Variants in FAM135A observed in about 807,000 individuals in gnomAD.
The protein encoded by FAM135A is family with sequence similarity 135 member A.
In FAM135A, 79 loss-of-function variants were observed where a neutral mutation model predicts 146.8. That is an observed-to-expected ratio of 0.54 (90% CI 0.45 to 0.65). FAM135A has a LOEUF of 0.65. Among genes scored for constraint, FAM135A ranks in the 30% least tolerant of loss-of-function variants. The probability of loss-of-function intolerance (pLI) is 0.00; values close to 1 mark genes in which losing one functional copy is unlikely to be tolerated. For missense variants in FAM135A, 1,623 were observed against 1,758.2 expected (o/e 0.92, Z 1.38); for synonymous variants, 562 against 603.6 (o/e 0.93, Z 1.01).
chr6:70,524,292 G>A, intron 14 of FAM135A, 51 bp from the exon 15 acceptor site: 1 of 1,441,010 alleles, frequency 6.9e-7, no homozygotes, highest in African/African-American at 1.4e-5. Context: ...TTAATCATAT[G>A]AGTTCTCACA....
Position 70,525,707 on chromosome 6 carries a change from G to A in FAM135A, c.2623G>A (p.Gly875Arg). 1 of 1,612,708 alleles carries A rather than the reference G, an allele frequency of 6.2e-7. No individual in the cohort carries two copies. Among genetic ancestry groups the A allele is most frequent in the Non-Finnish European group, 8.5e-7 (1 of 1,179,484 alleles). Reference sequence around the variant, plus strand: ...TGATAGCAAAACTGTATTAAATCTAGGAACGACTGATTTGCCAAAATGTGA... The same window carrying A: ...TGATAGCAAAACTGTATTAAATCTAAGAACGACTGATTTGCCAAAATGTGA... Reference protein sequence around the residue: ...LNDSKTVLNLGTTDLPKCDDT... With the variant: ...LNDSKTVLNLRTTDLPKCDDT... Residue 875 changes from glycine (G) to arginine (R), a missense_variant, in exon 15 of 22, where the codon GGA becomes AGA. Around this residue, in one of 7 missense-constraint regions of FAM135A, gnomAD observed 1,061 missense variants for 1,113.8 expected, o/e 0.95. Transcript: ENST00000418814.
intron 4 of FAM135A, among the ~76,000 whole-genome samples, chr6:70,442,012 C>G (rs975566536): frequency 6.6e-6 from 1 of 152,060 alleles, no homozygotes; most frequent in Non-Finnish European, 1.5e-5. Flanking sequence ...AAAAATGCAT[C>G]ATTAATGTAT....
intron 12 of FAM135A, among the ~76,000 whole-genome samples, chr6:70,512,249 G>A (rs1447568840): frequency 6.6e-5 from 10 of 151,776 alleles, no homozygotes; most frequent in Non-Finnish European, 1.5e-4. Flanking sequence ...TCGTTGAGTA[G>A]TATTTTATGG....
chr6:70,511,409 T>C (rs1042142222), intron 12 of FAM135A, among the ~76,000 whole-genome samples: 2 of 151,922 alleles, frequency 1.3e-5, no homozygotes, highest in African/African-American at 4.8e-5. Context: ...GAAAGTATTG[T>C]GCTTATATCT....
In FAM135A at chr6:70,525,223, A is replaced by G. The variant is rs749946709; in HGVS notation, c.2139A>G (p.Glu713=). 2 of 1,598,940 alleles carry G rather than the reference A, an allele frequency of 1.3e-6. No homozygotes were observed. The highest frequency in any genetic ancestry group is 1.3e-5 in the African/African-American group (1 of 74,076). The stretch of plus-strand genomic sequence containing the variant: ...CTAAATCTATAGAAATAACATTTGA[A>G]AAGGAAGCTTTGCAAGAAGCAAAGT... The part of the protein sequence containing the change: ...GKSKSIEITF[E]KEALQEAKCL... Residue 713 remains glutamate, a synonymous_variant, in exon 15 of 22, where the codon GAA becomes GAG. Coordinates refer to ENST00000418814, the MANE Select transcript of FAM135A (RefSeq NM_001162529.3).
chr6:70,481,969 C>G, intron 9 of FAM135A, 32 bp from the exon 10 acceptor site: 1 of 1,574,006 alleles, frequency 6.4e-7, no homozygotes, highest in South Asian at 1.2e-5. Context: ...GTATTACTGA[C>G]ACTCTGTATC....
In FAM135A at chr6:70,524,008, C is replaced by T. The variant is rs1582744599; in HGVS notation, c.1145C>T (p.Thr382Ile). The T allele has an allele frequency of 6.2e-7, 1 of 1,612,520 alleles. No homozygotes were observed. The highest frequency in any genetic ancestry group is 8.5e-7 in the Non-Finnish European group (1 of 1,179,360). Reference sequence around the variant, plus strand: ...CAGATGTGCACCGCTATCAAAAATACTTCCTTCTGCAGTTCTCTTCCACCC... The same window carrying T: ...CAGATGTGCACCGCTATCAAAAATATTTCCTTCTGCAGTTCTCTTCCACCC... ...HLQMCTAIKN[T>I]SFCSSLPPLP... The change falls in exon 14 of 22, where the codon ACT (threonine) becomes ATT (isoleucine). Residue 382 changes from threonine to isoleucine, a missense_variant. Thr to Ile is a moderately conservative substitution (Grantham distance 89). Transcript: ENST00000418814.
Position 70,491,103 on chromosome 6 carries a change from T to A in FAM135A, c.873+20T>A. On this transcript the variant is annotated intron_variant, in intron 11 of 21. Coordinates refer to ENST00000418814, the MANE Select transcript of FAM135A (RefSeq NM_001162529.3). Reference sequence around the variant, plus strand: ...GTTAAGGTACTTGGATTTTTTAAATTCACATCATCAAGTTATTTGAGTGGT... The same window carrying A: ...GTTAAGGTACTTGGATTTTTTAAATACACATCATCAAGTTATTTGAGTGGT... The A allele has an allele frequency of 6.3e-7, 1 of 1,576,988 alleles. No individual in the cohort carries two copies. The highest frequency in any genetic ancestry group is 8.6e-7 in the Non-Finnish European group (1 of 1,157,098).
intron 20 of FAM135A, among the ~76,000 whole-genome samples, chr6:70,553,007 T>A (rs1800131589): frequency 6.6e-6 from 1 of 152,186 alleles, no homozygotes; most frequent in South Asian, 2.1e-4. Flanking sequence ...TTTTACATCT[T>A]TTTTTCAATA....
intron 7 of FAM135A, 74 bp from the exon 8 acceptor site, chr6:70,477,085 G>C (rs1562488417): frequency 7.2e-7 from 1 of 1,389,714 alleles, no homozygotes; most frequent in Admixed American, 2.6e-5. Flanking sequence ...AGTTTTTATA[G>C]TTTCAACTAC....
At chr6:70,493,261 T>G (rs1161516984) in intron 11 of FAM135A, among the ~76,000 whole-genome samples, 2 of 152,096 alleles carry the variant, frequency 1.3e-5, no homozygotes, top group East Asian at 3.8e-4. Flanking sequence ...TGTTTGTGTA[T>G]TTTATTGTGT....
intron 11 of FAM135A, among the ~76,000 whole-genome samples, chr6:70,501,285 T>G (rs900232134): frequency 6.6e-6 from 1 of 152,154 alleles, no homozygotes; most frequent in African/African-American, 2.4e-5. Context: ...TCCAGCCTCC[T>G]TAGCACTGTC....
intron 5 of FAM135A, among the ~76,000 whole-genome samples, chr6:70,467,004 G>A (rs1365541886): frequency 6.6e-6 from 1 of 152,120 alleles, no homozygotes; most frequent in Non-Finnish European, 1.5e-5. Flanking sequence ...TCTCTTCTAT[G>A]TTGAATCTCT....
Position 70,526,383 on chromosome 6 carries a change from A to G in FAM135A, c.3299A>G (p.Tyr1100Cys), listed in dbSNP as rs2082282893. 1.2e-6 allele frequency: 2 copies of G among 1,613,666 alleles called. No individual in the cohort carries two copies. Among genetic ancestry groups the G allele is most frequent in the Non-Finnish European group, 1.7e-6 (2 of 1,179,692 alleles). ...CAACAAATGGTTCAAAATGGGTACT[A>G]TGAAGAAACAGATTATTCAGCTTTG... ...QDQQMVQNGY[Y>C]EETDYSALDG... Residue 1100 changes from tyrosine to cysteine, a missense_variant, in exon 15 of 22, where the codon TAT (tyrosine) becomes TGT (cysteine). Transcript: ENST00000418814.
rs1333420812 is a variant in FAM135A at position 70,536,289 on chromosome 6, T to C, written c.3995T>C (p.Ile1332Thr). ...SFIGHSLGNL[I>T]IRSVLTRPRF... ...ATTGGACATTCGTTGGGCAATTTAA[T>C]AATTCGTTCAGTGCTTACAAGGCCA... is the stretch of plus-strand genomic sequence containing the variant. The change falls in exon 19 of 22, where the codon ATA becomes ACA. Residue 1332 changes from isoleucine (I) to threonine (T), a missense_variant. Ile to Thr is a moderately conservative substitution (Grantham distance 89). Coordinates refer to ENST00000418814, the MANE Select transcript of FAM135A (RefSeq NM_001162529.3). The C allele has an allele frequency of 6.8e-6, 11 of 1,608,838 alleles. No homozygotes were observed. The highest frequency in any genetic ancestry group is 2.2e-5 in the East Asian group (1 of 44,680).
At chr6:70,486,854 G>T (rs1432508057) in intron 10 of FAM135A, among the ~76,000 whole-genome samples, 2 of 151,520 alleles carry the variant, frequency 1.3e-5, no homozygotes, top group Non-Finnish European at 3.0e-5. Context: ...TTAAACCTGG[G>T]CAGTGGAGAT....
Position 70,526,227 on chromosome 6 carries a change from G to A in FAM135A, c.3143G>A (p.Ser1048Asn). Residue 1048 changes from serine to asparagine, a missense_variant, in exon 15 of 22, where the codon AGT (serine) becomes AAT (asparagine). By Grantham distance (46) the Ser-to-Asn change is conservative. Around this residue, in one of 7 missense-constraint regions of FAM135A, gnomAD observed 1,061 missense variants for 1,113.8 expected, o/e 0.95. Coordinates refer to ENST00000418814, the MANE Select transcript of FAM135A (RefSeq NM_001162529.3). ...LVENYFGSQS[S>N]TDISDTCAVS... is the part of the protein sequence containing the mutation. The stretch of plus-strand genomic sequence containing the variant: ...GAAAATTATTTTGGTTCTCAAAGCA[G>A]TACGGATATTTCTGACACATGTGCT... 6.2e-7 allele frequency: 1 copy of A among 1,613,552 alleles called. No individual in the cohort carries two copies. Among genetic ancestry groups the A allele is most frequent in the South Asian group, 1.1e-5 (1 of 91,052 alleles).
intron 4 of FAM135A, among the ~76,000 whole-genome samples, chr6:70,429,594 GGTA>G (rs1771016467): frequency 6.6e-6 from 1 of 152,060 alleles, no homozygotes; most frequent in South Asian, 2.1e-4. Context: ...ACAGAAGAAA[GGTA>G]GTAAAGAATG....
At chr6:70,441,738 G>A (rs534316518) in intron 4 of FAM135A, among the ~76,000 whole-genome samples, 2 of 148,860 alleles carry the variant, frequency 1.3e-5, no homozygotes, top group Non-Finnish European at 3.0e-5. Flanking sequence ...AGGCCAGAGT[G>A]CACTGGCGCC....
Sources: gnomAD v4.1 joint callset for allele counts (sites outside exome capture counted in the v4.1 genomes callset) on GRCh38, gnomAD v4.1.1 for gene constraint, gnomAD v4.1.1 regional missense constraint, MANE v1.5 for transcripts, NCBI Gene and HGNC (gene_info 2026-07-23, HGNC 2026-07-21) for gene names.